Variants in GRM1 observed in about 807,000 individuals in gnomAD.
The protein encoded by GRM1 is metabotropic glutamate receptor 1.
In GRM1, 33 loss-of-function variants were observed where a neutral mutation model predicts 90.9. The ratio of observed to expected loss-of-function variants is 0.36; its 90% CI spans 0.28 to 0.49. The LOEUF (loss-of-function observed/expected upper bound fraction) is 0.49, where lower values mean the gene tolerates loss of function less well. Ranked by LOEUF, GRM1 falls within the 20% of genes least tolerant of loss-of-function variation. The pLI, the probability that GRM1 is intolerant of heterozygous loss-of-function variation, is 0.99. For synonymous variants in GRM1, 700 were observed against 613.2 expected, an observed-to-expected ratio of 1.14 and a Z score of -2.09; for missense variants, 1,190 against 1,534.3, an observed-to-expected ratio of 0.78 and a Z score of 3.75.
chr6:146,298,004 T>C (rs538619065), intron 2 of GRM1, among the ~76,000 whole-genome samples: 1 of 152,308 alleles, frequency 6.6e-6, no homozygotes, highest in African/African-American at 2.4e-5. Context: ...CTGAGGCCCC[T>C]GAGCTGGGAG....
Position 146,125,986 on chromosome 6 carries a change from A to T in GRM1, c.701-33362A>T, listed in dbSNP as rs138558378. 2.6e-3 allele frequency among the ~76,000 whole-genome samples: 389 copies of T among 152,246 alleles called. 3 individuals carry two copies. Among genetic ancestry groups the T allele is most frequent in the African/African-American group, 8.6e-3 (358 of 41,558 alleles). ...CATTTTTGTTTTTAATCTGTTTTTT[A>T]AAATTCTGACGAAGTGATATATTTC... On this transcript the variant is annotated intron_variant, in intron 1 of 7. Coordinates refer to ENST00000282753, the MANE Select transcript of GRM1 (RefSeq NM_001278064.2).
At chr6:146,373,256 T>C (rs1775970613) in intron 5 of GRM1, among the ~76,000 whole-genome samples, 1 of 152,138 alleles carries the variant, frequency 6.6e-6, no homozygotes, top group South Asian at 2.1e-4. Context: ...AAGAACTACC[T>C]GCCACTGGGT....
intron 4 of GRM1, 126 bp downstream of exon 4, chr6:146,352,622 A>C (rs530622093): frequency 5.5e-6 from 5 of 903,772 alleles, no homozygotes; most frequent in African/African-American, 4.9e-5. Flanking sequence ...CTAGGTAGCA[A>C]AAAGTCCAGG....
intron 2 of GRM1, among the ~76,000 whole-genome samples, chr6:146,199,722 G>T (rs2114610419): frequency 6.7e-6 from 1 of 150,332 alleles, no homozygotes; most frequent in African/African-American, 2.4e-5. Context: ...AAGCATAAGA[G>T]AAGTGCTAAC....
At chr6:146,263,115 C>G (rs2114797730) in intron 2 of GRM1, among the ~76,000 whole-genome samples, 1 of 151,998 alleles carries the variant, frequency 6.6e-6, no homozygotes, top group East Asian at 1.9e-4. Flanking sequence ...CTTCTTGACT[C>G]TGTTCTTAGA....
chr6:146,269,672 G>A (rs145278036), intron 2 of GRM1, among the ~76,000 whole-genome samples: 1 of 152,120 alleles, frequency 6.6e-6, no homozygotes. Flanking sequence ...ATTATCATAG[G>A]AATGCAAACC....
In GRM1 at chr6:146,048,393, A is replaced by C. The variant is rs137903826; in HGVS notation, c.700+18176A>C. Among the ~76,000 whole-genome samples, 322 of 152,142 alleles carry C rather than the reference A, an allele frequency of 2.1e-3. 2 individuals carry two copies. The Middle Eastern group carries it at 0.027, about 13-fold the overall frequency. On this transcript the variant is annotated intron_variant, in intron 1 of 7. Transcript: ENST00000282753. ...CCATCTTGGCACAAGTGTAATACTT[A>C]AGAGTTAAAGCATTTTCCTTTGCGT... is the stretch of plus-strand genomic sequence containing the variant.
intron 3 of GRM1, among the ~76,000 whole-genome samples, chr6:146,309,623 A>G (rs1188538342): frequency 9.2e-5 from 14 of 152,136 alleles, no homozygotes; most frequent in Admixed American, 9.2e-4. Context: ...GCTCCATAAT[A>G]TTCTAACCAG....
intron 2 of GRM1, among the ~76,000 whole-genome samples, chr6:146,165,423 A>G (rs1380250941): frequency 1.3e-5 from 2 of 152,154 alleles, no homozygotes; most frequent in Non-Finnish European, 2.9e-5. Context: ...GGAAAACTCT[A>G]AAGTTTGCAG....
intron 2 of GRM1, among the ~76,000 whole-genome samples, chr6:146,249,143 A>G (rs1781181638): frequency 1.3e-5 from 2 of 152,218 alleles, no homozygotes; most frequent in African/African-American, 2.4e-5. Context: ...GATTTATAAA[A>G]TTTGCAGCCT....
intron 1 of GRM1, among the ~76,000 whole-genome samples, chr6:146,074,141 G>T (rs1179679331): frequency 6.6e-6 from 1 of 152,008 alleles, no homozygotes; most frequent in Admixed American, 6.6e-5. Context: ...TCATTATCCT[G>T]GGGGAAACAA....
At chr6:146,376,070 A>T (rs1319387073) in intron 5 of GRM1, among the ~76,000 whole-genome samples, 1 of 151,974 alleles carries the variant, frequency 6.6e-6, no homozygotes, top group Non-Finnish European at 1.5e-5. Context: ...GGTTACAATG[A>T]GGCTTGCAAA....
Position 146,043,794 on chromosome 6 carries a change from T to TAG in GRM1, c.700+13578_700+13579insGA, listed in dbSNP as rs1791209691. ...GAAAGAGTCAGGTGATATATATATA[T>TAG]ATATATATATATATATAAAGGGAAG... On this transcript the variant is annotated intron_variant, in intron 1 of 7. Transcript: ENST00000282753. Among the ~76,000 whole-genome samples, 5 of 136,844 alleles carry TAG rather than the reference T, an allele frequency of 3.7e-5. 1 individual carries two copies. The highest frequency in any genetic ancestry group is 8.0e-5 in the Non-Finnish European group (5 of 62,790). 89.8% of individuals were successfully genotyped at this position (136,844 alleles called of 152,430 possible).
intron 1 of GRM1, among the ~76,000 whole-genome samples, chr6:146,140,754 T>C (rs1289435498): frequency 6.6e-6 from 1 of 152,146 alleles, no homozygotes. Context: ...GTTGAAAAAG[T>C]TTTTAACTTT....
chr6:146,431,645 C>T (rs933102039), intron 7 of GRM1, among the ~76,000 whole-genome samples: 8 of 152,076 alleles, frequency 5.3e-5, no homozygotes, highest in Non-Finnish European at 1.0e-4. Flanking sequence ...TACAGGATAA[C>T]ATTTTGTTTA....
At chr6:146,192,647 T>G (rs1033819491) in intron 2 of GRM1, among the ~76,000 whole-genome samples, 1 of 152,216 alleles carries the variant, frequency 6.6e-6, no homozygotes, top group Non-Finnish European at 1.5e-5. Flanking sequence ...TCTTACTCTT[T>G]CTAAACCAGT....
At chr6:146,330,231 T>C (rs943300474) in intron 3 of GRM1, among the ~76,000 whole-genome samples, 5 of 152,124 alleles carry the variant, frequency 3.3e-5, no homozygotes, top group African/African-American at 1.2e-4. Context: ...GCTGCATTGG[T>C]TTTCTTTTTT....
At chr6:146,169,799 T>A (rs1778035707) in intron 2 of GRM1, among the ~76,000 whole-genome samples, 1 of 152,196 alleles carries the variant, frequency 6.6e-6, no homozygotes, top group Admixed American at 6.5e-5. Context: ...TTGGTTCATA[T>A]ATTTTATTTC....
intron 1 of GRM1, among the ~76,000 whole-genome samples, chr6:146,146,657 A>G (rs1266992230): frequency 6.6e-6 from 1 of 152,116 alleles, no homozygotes; most frequent in Non-Finnish European, 1.5e-5. Flanking sequence ...ATTAAGAGGG[A>G]CTGCCCTCAT....
Sources: gnomAD v4.1 joint callset for allele counts (sites outside exome capture counted in the v4.1 genomes callset) on GRCh38, gnomAD v4.1.1 for gene constraint, MANE v1.5 for transcripts, NCBI Gene and HGNC (gene_info 2026-07-23, HGNC 2026-07-21) for gene names.